Variants in DLGAP2 observed in about 807,000 individuals in gnomAD.
DLGAP2 encodes DLG associated protein 2, also known as disks large-associated protein 2.
A neutral mutation model predicts 100.3 loss-of-function variants in DLGAP2; 26 were observed. That is an observed-to-expected ratio of 0.26 (90% CI 0.19 to 0.36). The LOEUF (loss-of-function observed/expected upper bound fraction) is 0.36, where lower values mean the gene tolerates loss of function less well. Ranked by LOEUF, DLGAP2 falls within the 10% of genes least tolerant of loss-of-function variation. The pLI is 1.00. For synonymous variants in DLGAP2, 886 were observed against 630.1 expected (o/e 1.41, Z -6.08); for missense variants, 1,858 against 1,453.2 (o/e 1.28, Z -4.53).
chr8:1,595,225 G>C (rs1043774393), intron 6 of DLGAP2, among the ~76,000 whole-genome samples: 1 of 151,966 alleles, frequency 6.6e-6, no homozygotes, highest in Admixed American at 6.6e-5. Context: ...ATTTTTAGGA[G>C]AGACAGGGTT....
At chr8:879,281 T>C (rs1797740450) in intron 1 of DLGAP2, among the ~76,000 whole-genome samples, 1 of 152,180 alleles carries the variant, frequency 6.6e-6, no homozygotes, top group African/African-American at 2.4e-5. Flanking sequence ...GGGCAATAAT[T>C]TGTGAAGACC....
chr8:1,206,771 C>T (rs564753547), intron 2 of DLGAP2, among the ~76,000 whole-genome samples: 1 of 152,202 alleles, frequency 6.6e-6, no homozygotes, highest in Non-Finnish European at 1.5e-5. Flanking sequence ...TACCTCTCTG[C>T]CATCGCTGCT....
intron 2 of DLGAP2, among the ~76,000 whole-genome samples, chr8:1,117,309 G>C (rs1805148746): frequency 6.6e-6 from 1 of 152,346 alleles, no homozygotes; most frequent in South Asian, 2.1e-4. Context: ...CCACCACTCA[G>C]AGGTGCCACA....
intron 2 of DLGAP2, among the ~76,000 whole-genome samples, chr8:966,625 CCTT>C (rs554656732): frequency 4.6e-4 from 68 of 148,614 alleles, no homozygotes; most frequent in African/African-American, 1.5e-3. Context: ...TGCTTTGTAA[CCTT>C]CTTTTTCCCT....
chr8:1,446,189 T>G (rs1263134943), intron 3 of DLGAP2, among the ~76,000 whole-genome samples: 1 of 152,130 alleles, frequency 6.6e-6, no homozygotes, highest in Non-Finnish European at 1.5e-5. Context: ...TGAATGGTAT[T>G]GCCTAGGTTT....
At chr8:1,551,922 C>T (rs1277966777) in intron 5 of DLGAP2, among the ~76,000 whole-genome samples, 6 of 152,188 alleles carry the variant, frequency 3.9e-5, no homozygotes, top group African/African-American at 9.7e-5. Flanking sequence ...AGAAGGGGCC[C>T]GCCTGGCAGC....
chr8:1,640,560 C>G (rs1455518023), intron 8 of DLGAP2, among the ~76,000 whole-genome samples: 1 of 152,188 alleles, frequency 6.6e-6, no homozygotes, highest in African/African-American at 2.4e-5. Context: ...TGCCAACCAC[C>G]ATGGCTTCCA....
intron 6 of DLGAP2, among the ~76,000 whole-genome samples, chr8:1,599,516 G>T (rs1025401829): frequency 1.3e-5 from 2 of 152,170 alleles, no homozygotes; most frequent in Non-Finnish European, 2.9e-5. Context: ...AGGTCTCTAA[G>T]AACTTGATTT....
chr8:1,511,204 T>G (rs543843580), intron 4 of DLGAP2, among the ~76,000 whole-genome samples: 108 of 138,870 alleles, frequency 7.8e-4, no homozygotes, highest in African/African-American at 1.6e-3. Context: ...TGGACGTAAG[T>G]GCTGTCTAGT....
intron 2 of DLGAP2, among the ~76,000 whole-genome samples, chr8:1,214,336 T>C (rs1252496577): frequency 6.6e-6 from 1 of 152,240 alleles, no homozygotes; most frequent in Non-Finnish European, 1.5e-5. Flanking sequence ...GGTGATCGTT[T>C]TTCCGTGAGC....
chr8:1,363,924 C>T (rs958079856), intron 3 of DLGAP2, among the ~76,000 whole-genome samples: 1 of 152,168 alleles, frequency 6.6e-6, no homozygotes, highest in Admixed American at 6.5e-5. Context: ...GGGTCCCTCC[C>T]TGACAGTGAC....
rs183546821 is a variant in DLGAP2 at position 1,161,919 on chromosome 8, G to C, written c.74-96932G>C. On this transcript the variant is annotated intron_variant, in intron 2 of 14. Coordinates refer to ENST00000637795, the MANE Select transcript of DLGAP2 (RefSeq NM_001346810.2). ...GTGGTTCCCACCCTTGGGGCTTTAGGTATAGAGAGGAGATCCGTGTGCCAA... is the reference window on the plus strand; with the variant it reads ...GTGGTTCCCACCCTTGGGGCTTTAGCTATAGAGAGGAGATCCGTGTGCCAA... Among the ~76,000 whole-genome samples the C allele has an allele frequency of 2.2e-4, 33 of 152,372 alleles. No individual in the cohort carries two copies. The East Asian group carries it at 2.9e-3, about 13-fold the overall frequency.
chr8:1,433,705 C>G (rs1231744469), intron 3 of DLGAP2, among the ~76,000 whole-genome samples: 1 of 146,254 alleles, frequency 6.8e-6, no homozygotes, highest in Non-Finnish European at 1.5e-5. Flanking sequence ...TTGCTAGACA[C>G]TGAAGATAAA....
intron 3 of DLGAP2, among the ~76,000 whole-genome samples, chr8:1,439,566 C>T (rs893401777): frequency 1.3e-5 from 2 of 152,190 alleles, no homozygotes; most frequent in African/African-American, 4.8e-5. Context: ...CTCAGTCCCA[C>T]GGCAACACGG....
intron 2 of DLGAP2, among the ~76,000 whole-genome samples, chr8:1,243,834 C>A (rs895267415): frequency 1.3e-5 from 2 of 152,196 alleles, no homozygotes; most frequent in Non-Finnish European, 2.9e-5. Flanking sequence ...TTATATAACT[C>A]CTTTTCTTCA....
At chr8:788,417 T>A (rs1193979022) in intron 1 of DLGAP2, among the ~76,000 whole-genome samples, 1 of 152,184 alleles carries the variant, frequency 6.6e-6, no homozygotes, top group Non-Finnish European at 1.5e-5. Context: ...CGTGGTCTAG[T>A]TGAGGCCTTG....
intron 2 of DLGAP2, among the ~76,000 whole-genome samples, chr8:1,063,346 C>G (rs866832466): frequency 6.6e-6 from 1 of 152,080 alleles, no homozygotes; most frequent in Non-Finnish European, 1.5e-5. Context: ...TGAGTGCACA[C>G]ATTTTGACAA....
rs1798639824 is a variant in DLGAP2 at position 1,235,806 on chromosome 8, C to G, written c.74-23045C>G. Among the ~76,000 whole-genome samples, 2 of 13,616 alleles carry G rather than the reference C, an allele frequency of 1.5e-4. 1 individual carries two copies. The highest frequency in any genetic ancestry group is 1.0e-3 in the African/African-American group (2 of 1,954). The allele number at this position is 13,616 out of a possible 152,430, so 8.9% of individuals were successfully genotyped here. Reference sequence around the variant, plus strand: ...CTCACACAGAGCATCGTGTCTAGTTCTCTCACATGGCGCCGTGTCCAGTTC... The same window carrying G: ...CTCACACAGAGCATCGTGTCTAGTTGTCTCACATGGCGCCGTGTCCAGTTC... On this transcript the variant is annotated intron_variant, in intron 2 of 14. Coordinates refer to ENST00000637795, the MANE Select transcript of DLGAP2 (RefSeq NM_001346810.2).
At chr8:785,362 G>A (rs1255621876) in intron 1 of DLGAP2, among the ~76,000 whole-genome samples, 7 of 151,216 alleles carry the variant, frequency 4.6e-5, no homozygotes, top group Non-Finnish European at 1.0e-4. Flanking sequence ...AGGCAGGCCG[G>A]GCCCCTGCAC....
Sources: allele counts gnomAD v4.1 joint callset (sites outside exome capture counted in the v4.1 genomes callset), GRCh38; gene constraint gnomAD v4.1.1; transcripts MANE v1.5; gene names NCBI Gene and HGNC (gene_info 2026-07-23, HGNC 2026-07-21).